KIAA0232: variants seen among roughly 807,000 people sequenced by gnomAD.
The protein encoded by KIAA0232 is KIAA0232, also known as uncharacterized protein KIAA0232.
In KIAA0232, 27 loss-of-function variants were observed where a neutral mutation model predicts 122.0. The ratio of observed to expected loss-of-function variants is 0.22; its 90% CI spans 0.16 to 0.31. The LOEUF is 0.31. Among genes scored for constraint, KIAA0232 ranks in the 10% least tolerant of loss-of-function variants. The pLI is 1.00. For missense variants in KIAA0232, 1,551 were observed against 1,634.2 expected, an observed-to-expected ratio of 0.95 and a Z score of 0.88; for synonymous variants, 613 against 587.6, an observed-to-expected ratio of 1.04 and a Z score of -0.63.
In KIAA0232 at chr4:6,862,503, A is replaced by G; in HGVS notation, c.2121A>G (p.Ser707=). The change falls in exon 7 of 10, where the codon TCA becomes TCG. Residue 707 remains serine (S), a synonymous_variant. Coordinates refer to ENST00000307659, the MANE Select transcript of KIAA0232 (RefSeq NM_014743.3). ...FEENEHCSNL[S]TRTCSPWSHS... ...AAAATGAACACTGTTCTAATCTTTCAACAAGAACTTGTAGTCCATGGTCCC... is the reference window on the plus strand; with the variant it reads ...AAAATGAACACTGTTCTAATCTTTCGACAAGAACTTGTAGTCCATGGTCCC... 1.2e-6 allele frequency: 2 copies of G among 1,613,924 alleles called. No individual in the cohort carries two copies. Among genetic ancestry groups the G allele is most frequent in the South Asian group, 2.2e-5 (2 of 90,990 alleles).
Position 6,861,889 on chromosome 4 carries a change from C to T in KIAA0232, c.1507C>T (p.Leu503=). 6.2e-7 allele frequency: 1 copy of T among 1,614,082 alleles called. No homozygotes were observed. Among genetic ancestry groups the T allele is most frequent in the Non-Finnish European group, 8.5e-7 (1 of 1,179,970 alleles). The change falls in exon 7 of 10, where the codon CTA becomes TTA. Residue 503 remains leucine, a synonymous_variant. Coordinates refer to ENST00000307659, the MANE Select transcript of KIAA0232 (RefSeq NM_014743.3). ...CAATAAATACCTGGATGATATTCAT[C>T]TATCAGAATTAACGCACTTCTATGA... The part of the protein sequence containing the change: ...EDNKYLDDIH[L]SELTHFYEVD...
intron 2 of KIAA0232, among the ~76,000 whole-genome samples, chr4:6,816,292 T>G (rs1174841584): frequency 6.6e-6 from 1 of 151,714 alleles, no homozygotes; most frequent in Non-Finnish European, 1.5e-5. Flanking sequence ...TTTTTTGTTT[T>G]TTTTTTTTGA....
chr4:6,876,207 A>G (rs1198078654), intron 8 of KIAA0232, among the ~76,000 whole-genome samples: 1 of 152,190 alleles, frequency 6.6e-6, no homozygotes, highest in African/African-American at 2.4e-5. Context: ...TCGTTTCTCC[A>G]TTGCGTTCCC....
chr4:6,846,788 G>T (rs1024255172), intron 4 of KIAA0232, among the ~76,000 whole-genome samples: 1 of 152,104 alleles, frequency 6.6e-6, no homozygotes, highest in African/African-American at 2.4e-5. Context: ...TCAATGGAAA[G>T]AAAGGAGCAA....
intron 4 of KIAA0232, among the ~76,000 whole-genome samples, chr4:6,854,168 G>C (rs777867501): frequency 6.6e-6 from 1 of 152,164 alleles, no homozygotes; most frequent in Non-Finnish European, 1.5e-5. Context: ...AATTAAAGAC[G>C]TACAAAATCT....
Position 6,862,021 on chromosome 4 carries a change from T to C in KIAA0232, c.1639T>C (p.Phe547Leu). Residue 547 changes from phenylalanine (F) to leucine (L), a missense_variant, in exon 7 of 10, where the codon TTT becomes CTT. This residue lies in a region of KIAA0232 where 1,108 missense variants were observed against 1,154.8 expected (regional missense o/e 0.96). Transcript: ENST00000307659. ...IRQKSKENTD[F>L]EAECCIVLDG... ...ACAGAAAAGCAAAGAGAACACAGAT[T>C]TTGAGGCAGAATGTTGCATAGTGTT... The C allele has an allele frequency of 1.2e-6, 2 of 1,614,112 alleles. No individual in the cohort carries two copies. Among genetic ancestry groups the C allele is most frequent in the Non-Finnish European group, 1.7e-6 (2 of 1,180,020 alleles).
At chr4:6,818,011 G>A (rs750940996) in intron 2 of KIAA0232, among the ~76,000 whole-genome samples, 1 of 152,058 alleles carries the variant, frequency 6.6e-6, no homozygotes, top group Non-Finnish European at 1.5e-5. Flanking sequence ...TAATGTTAGT[G>A]TAAAATTTTT....
chr4:6,841,593 GAA>G (rs1244343419), intron 3 of KIAA0232, among the ~76,000 whole-genome samples: 9 of 152,078 alleles, frequency 5.9e-5, no homozygotes, highest in Admixed American at 3.3e-4. Context: ...GTTAGGTAAG[GAA>G]AAGACATACA....
chr4:6,811,533 C>T (rs999914667), intron 2 of KIAA0232, among the ~76,000 whole-genome samples: 1 of 152,142 alleles, frequency 6.6e-6, no homozygotes, highest in African/African-American at 2.4e-5. Context: ...GCCTCTGCCT[C>T]CCGAGCTCCA....
chr4:6,813,031 C>G (rs984129434), intron 2 of KIAA0232, among the ~76,000 whole-genome samples: 4 of 152,108 alleles, frequency 2.6e-5, no homozygotes, highest in African/African-American at 4.8e-5. Context: ...AGAAACTGAA[C>G]TATAGATAGT....
intron 2 of KIAA0232, among the ~76,000 whole-genome samples, chr4:6,811,549 C>T (rs910290914): frequency 6.6e-6 from 1 of 152,042 alleles, no homozygotes; most frequent in Non-Finnish European, 1.5e-5. Context: ...CTCCAGTGAT[C>T]CTCCCATCTC....
intron 2 of KIAA0232, among the ~76,000 whole-genome samples, chr4:6,814,086 A>C (rs1718003217): frequency 1.3e-5 from 2 of 152,150 alleles, no homozygotes; most frequent in African/African-American, 4.8e-5. Context: ...GTACAACTGC[A>C]AGTATATGTA....
At position 6,854,341 on chromosome 4, in the gene KIAA0232, A is replaced by G. The variant is rs561746949; in HGVS notation, c.370-2823A>G. On this transcript the variant is annotated intron_variant, in intron 4 of 9. Coordinates refer to ENST00000307659, the MANE Select transcript of KIAA0232 (RefSeq NM_014743.3). ...ATGCCCTTTGCTGCCCAGTGAATGT[A>G]GCAGGGCAAGAATTCAGACCCAGGC... Among the ~76,000 whole-genome samples, 61 of 152,270 alleles carry G rather than the reference A, an allele frequency of 4.0e-4. 1 individual carries two copies. In the South Asian group the frequency reaches 0.011, roughly 26 times the overall value.
At chr4:6,859,263 A>G (rs1720733382) in intron 6 of KIAA0232, among the ~76,000 whole-genome samples, 1 of 152,146 alleles carries the variant, frequency 6.6e-6, no homozygotes, top group Non-Finnish European at 1.5e-5. Flanking sequence ...GTTCGTAAAT[A>G]GTCTTAAAAT....
intron 1 of KIAA0232, among the ~76,000 whole-genome samples, chr4:6,798,710 C>G (rs1275043818): frequency 6.6e-6 from 1 of 152,120 alleles, no homozygotes; most frequent in Non-Finnish European, 1.5e-5. Context: ...TGACATTATG[C>G]CCAATTAATT....
At chr4:6,852,003 A>C (rs1056186097) in intron 4 of KIAA0232, among the ~76,000 whole-genome samples, 5 of 152,122 alleles carry the variant, frequency 3.3e-5, no homozygotes, top group Non-Finnish European at 4.4e-5. Flanking sequence ...TTATTATAAC[A>C]GTTTGATATC....
chr4:6,848,997 A>G (rs533054578), intron 4 of KIAA0232, among the ~76,000 whole-genome samples: 4 of 152,300 alleles, frequency 2.6e-5, no homozygotes, highest in African/African-American at 9.6e-5. Flanking sequence ...GGGCCATGCT[A>G]GGGACTTGGG....
chr4:6,801,828 C>T (rs1297195928), intron 1 of KIAA0232, among the ~76,000 whole-genome samples: 2 of 152,088 alleles, frequency 1.3e-5, no homozygotes, highest in Non-Finnish European at 2.9e-5. Flanking sequence ...AAATACAGGG[C>T]CTGCGAGGAT....
Position 6,863,683 on chromosome 4 carries a change from C to T in KIAA0232, c.3301C>T (p.Arg1101Trp). The T allele has an allele frequency of 1.2e-6, 2 of 1,614,160 alleles. No individual in the cohort carries two copies. Among genetic ancestry groups the T allele is most frequent in the Non-Finnish European group, 1.7e-6 (2 of 1,180,042 alleles). Reference sequence around the variant, plus strand: ...TGACAGAACACAATACAGGGCTATTCGGATCTCTCCTCGGACTCACTTTCG... The same window carrying T: ...TGACAGAACACAATACAGGGCTATTTGGATCTCTCCTCGGACTCACTTTCG... The part of the protein sequence containing the change: ...GVDRTQYRAI[R>W]ISPRTHFRPI... Residue 1101 changes from arginine (R) to tryptophan (W), a missense_variant, in exon 7 of 10, where the codon CGG becomes TGG. Arg to Trp is a moderately radical substitution (Grantham distance 101). Transcript: ENST00000307659.
Sources: gnomAD v4.1 joint callset for allele counts (sites outside exome capture counted in the v4.1 genomes callset) on GRCh38, gnomAD v4.1.1 for gene constraint, gnomAD v4.1.1 regional missense constraint, MANE v1.5 for transcripts, NCBI Gene and HGNC (gene_info 2026-07-23, HGNC 2026-07-21) for gene names.